ASIC2: variants seen among roughly 807,000 people sequenced by gnomAD.
The protein encoded by ASIC2 is acid-sensing ion channel 2.
ASIC2 carries 25 observed loss-of-function variants against 57.3 expected under a neutral mutation model. The observed-to-expected ratio is 0.44, with a 90% CI of 0.32 to 0.61. The LOEUF is 0.61. Among genes scored for constraint, ASIC2 ranks in the 20% least tolerant of loss-of-function variants. ASIC2 has a pLI of 0.06. For synonymous variants in ASIC2, 319 were observed against 307.5 expected (o/e 1.04, Z -0.39); for missense variants, 641 against 738.1 (o/e 0.87, Z 1.52).
intron 1 of ASIC2, among the ~76,000 whole-genome samples, chr17:33,316,272 C>T (rs1906641534): frequency 6.6e-6 from 1 of 152,208 alleles, no homozygotes; most frequent in Non-Finnish European, 1.5e-5. Context: ...GAACACGCTA[C>T]AGTGTCTCTC....
intron 3 of ASIC2, among the ~76,000 whole-genome samples, chr17:33,075,624 C>T (rs1465155474): frequency 2.6e-5 from 4 of 152,152 alleles, no homozygotes; most frequent in East Asian, 1.9e-4. Flanking sequence ...AATCCCCTCC[C>T]CTGCTGGTCT....
intron 1 of ASIC2, among the ~76,000 whole-genome samples, chr17:33,749,136 G>T (rs1218237855): frequency 6.6e-6 from 1 of 152,058 alleles, no homozygotes; most frequent in South Asian, 2.1e-4. Flanking sequence ...ACCGGGTTGG[G>T]GTGCAAGAGC....
chr17:33,103,085 A>G (rs573379357), intron 2 of ASIC2, among the ~76,000 whole-genome samples: 3 of 152,190 alleles, frequency 2.0e-5, no homozygotes, highest in South Asian at 4.1e-4. Flanking sequence ...ACCCGGCCAC[A>G]TATTTTAAGT....
chr17:33,928,850 A>C (rs1915874692), intron 1 of ASIC2, among the ~76,000 whole-genome samples: 1 of 152,126 alleles, frequency 6.6e-6, no homozygotes, highest in Non-Finnish European at 1.5e-5. Context: ...GTTTGCAGCA[A>C]GTAATAGTAG....
intron 1 of ASIC2, among the ~76,000 whole-genome samples, chr17:33,416,737 G>A (rs1412549690): frequency 6.6e-6 from 1 of 152,214 alleles, no homozygotes; most frequent in Non-Finnish European, 1.5e-5. Context: ...AGGGGACCTA[G>A]GTTTGGAGTG....
At chr17:33,902,457 AC>A (rs750487674) in intron 1 of ASIC2, among the ~76,000 whole-genome samples, 3 of 152,210 alleles carry the variant, frequency 2.0e-5, no homozygotes, top group Non-Finnish European at 4.4e-5. Flanking sequence ...TTTTGAGGTC[AC>A]CTCTGTTTTA....
chr17:33,874,368 G>A (rs898138036), intron 1 of ASIC2, among the ~76,000 whole-genome samples: 1 of 152,188 alleles, frequency 6.6e-6, no homozygotes, highest in African/African-American at 2.4e-5. Context: ...AATATTTTTA[G>A]TATAAGTATG....
intron 1 of ASIC2, among the ~76,000 whole-genome samples, chr17:33,867,174 A>G (rs2141928470): frequency 6.6e-6 from 1 of 152,336 alleles, no homozygotes; most frequent in East Asian, 1.9e-4. Flanking sequence ...TATCAGAAAG[A>G]GCTTCATAGA....
chr17:33,643,155 C>G lies in ASIC2; in HGVS notation c.555+512823G>C, dbSNP rs200320128. Among the ~76,000 whole-genome samples the G allele has an allele frequency of 9.3e-3, 1,405 of 151,090 alleles. 30 individuals carry two copies. Among genetic ancestry groups the G allele is most frequent in the Admixed American group, 0.05 (755 of 15,176 alleles). ...ATTCTCACATGCTCATTTCCCCCCC[C>G]CCACATTTGAACATCTCTGAAATTT... On this transcript the variant is annotated intron_variant, in intron 1 of 9. Transcript: ENST00000359872.
At chr17:33,496,609 T>C in intron 1 of ASIC2, among the ~76,000 whole-genome samples, 1 of 75,918 alleles carries the variant, frequency 1.3e-5, no homozygotes. Context: ...GTAGGTTTTT[T>C]TTTTTTTTTT....
intron 1 of ASIC2, among the ~76,000 whole-genome samples, chr17:33,860,384 T>C (rs1914073815): frequency 6.6e-6 from 1 of 152,218 alleles, no homozygotes; most frequent in African/African-American, 2.4e-5. Flanking sequence ...TGACCATCTA[T>C]GCAGTCAGAT....
chr17:33,730,230 A>T (rs1383656852), intron 1 of ASIC2, among the ~76,000 whole-genome samples: 2 of 152,174 alleles, frequency 1.3e-5, no homozygotes, highest in African/African-American at 4.8e-5. Context: ...TTTGAAACTG[A>T]GTCTCTTCTT....
chr17:33,967,098 G>C (rs1257517746), intron 1 of ASIC2, among the ~76,000 whole-genome samples: 2 of 152,074 alleles, frequency 1.3e-5, no homozygotes, highest in Non-Finnish European at 2.9e-5. Context: ...TCTCTTCAGT[G>C]ACCCAGGAAG....
chr17:33,187,760 C>T (rs1448115075), intron 1 of ASIC2, among the ~76,000 whole-genome samples: 1 of 151,926 alleles, frequency 6.6e-6, no homozygotes, highest in Non-Finnish European at 1.5e-5. Context: ...GTTTGCTGAT[C>T]CTTGAAAGAA....
intron 1 of ASIC2, among the ~76,000 whole-genome samples, chr17:34,110,896 G>A (rs1429818668): frequency 6.6e-6 from 1 of 152,112 alleles, no homozygotes; most frequent in African/African-American, 2.4e-5. Context: ...AGGGCACAGG[G>A]CTCTTTTCAT....
intron 1 of ASIC2, among the ~76,000 whole-genome samples, chr17:33,587,366 C>T (rs907194868): frequency 1.3e-5 from 2 of 152,188 alleles, no homozygotes; most frequent in Non-Finnish European, 2.9e-5. Flanking sequence ...TCAGTGATGT[C>T]ATTCAGAACT....
chr17:33,988,476 G>A (rs1165250969), intron 1 of ASIC2, among the ~76,000 whole-genome samples: 1 of 152,140 alleles, frequency 6.6e-6, no homozygotes, highest in East Asian at 1.9e-4. Context: ...TGATTGTGAG[G>A]TCTCCTCGGC....
At chr17:33,593,473 A>G (rs1210284172) in intron 1 of ASIC2, among the ~76,000 whole-genome samples, 1 of 152,196 alleles carries the variant, frequency 6.6e-6, no homozygotes, top group Admixed American at 6.5e-5. Flanking sequence ...ATCTATTTAA[A>G]AGGTTGCAGC....
intron 1 of ASIC2, among the ~76,000 whole-genome samples, chr17:33,867,328 A>C (rs17783677): frequency 0.29 from 43,396 of 152,112 alleles, 6,893 homozygotes; most frequent in East Asian, 0.61. Flanking sequence ...ATGCACCAGG[A>C]TCTTCACGGT....
Sources: gnomAD v4.1 joint callset for allele counts (sites outside exome capture counted in the v4.1 genomes callset) on GRCh38, gnomAD v4.1.1 for gene constraint, MANE v1.5 for transcripts, NCBI Gene and HGNC (gene_info 2026-07-23, HGNC 2026-07-21) for gene names.